The following CARD10 variants were observed in gnomAD, a reference collection of about 807,000 sequenced individuals.
CARD10 encodes caspase recruitment domain-containing protein 10.
Under a neutral mutation model 114.6 loss-of-function variants are expected in CARD10, and 49 were observed. The ratio of observed to expected loss-of-function variants is 0.43; its 90% CI spans 0.34 to 0.54. The LOEUF is 0.54. CARD10 is among the 20% of genes least tolerant of loss of function. The pLI is 0.03. For synonymous variants in CARD10, 602 were observed against 593.2 expected (o/e 1.01, Z -0.21); for missense variants, 1,206 against 1,397.2 (o/e 0.86, Z 2.18).
At chr22:37,497,360 A>C in intron 11 of CARD10, 182 bp from the exon 12 acceptor site, 1 of 644,994 alleles carries the variant, frequency 1.6e-6, no homozygotes, top group East Asian at 2.8e-5. Flanking sequence ...ATCATCCTTC[A>C]AATCTCAAGT....
intron 15 of CARD10, among the ~76,000 whole-genome samples, chr22:37,494,931 A>T (rs1202833743): frequency 1.3e-5 from 2 of 151,514 alleles, no homozygotes; most frequent in African/African-American, 4.9e-5. Context: ...CCATCCAGGC[A>T]TTGGAAAAGG....
At position 37,496,713 on chromosome 22, in the gene CARD10, C is replaced by T. The variant is rs1356114286; in HGVS notation, c.1948-153G>A. The T allele has an allele frequency of 6.0e-6, 4 of 671,802 alleles. No homozygotes were observed. Among genetic ancestry groups the T allele is most frequent in the Middle Eastern group, 3.7e-4 (1 of 2,698 alleles). 41.6% of individuals were successfully genotyped at this position (671,802 alleles called of 1,614,324 possible). On this transcript the variant is annotated intron_variant, in intron 12 of 19. Coordinates refer to ENST00000251973, the MANE Select transcript of CARD10 (RefSeq NM_014550.4). The surrounding 1 kb of genome is among the most constrained non-coding windows in gnomAD (Gnocchi z 4.1). ...CTGCCATGCCCAGCCCAGTCAGACC[C>T]GTCCCCATCCACAGGACGCCCCCAT...
At chr22:37,513,627 C>T (rs1351512940) in intron 3 of CARD10, among the ~76,000 whole-genome samples, 1 of 152,040 alleles carries the variant, frequency 6.6e-6, no homozygotes, top group Non-Finnish European at 1.5e-5. Context: ...CCTCCCAGTA[C>T]CCCCAGCCTG....
Position 37,496,356 on chromosome 22 carries a change from C to T in CARD10, c.2059+93G>A. ...AAGGGCAATTGGGGCAAGGCTGGTC[C>T]CTTCTCAGGTCCTTGGTCCCTCCCC... On this transcript the variant is annotated intron_variant, in intron 13 of 19. Coordinates refer to ENST00000251973, the MANE Select transcript of CARD10 (RefSeq NM_014550.4). The surrounding 1 kb of genome is among the most constrained non-coding windows in gnomAD (Gnocchi z 4.1). 1.1e-6 allele frequency: 1 copy of T among 893,894 alleles called. No homozygotes were observed. The highest frequency in any genetic ancestry group is 1.7e-6 in the Non-Finnish European group (1 of 575,054). 55.4% of individuals were successfully genotyped at this position (893,894 alleles called of 1,614,324 possible).
At chr22:37,494,583 T>C (rs765687070) in intron 15 of CARD10, 20 of 223,990 alleles carry the variant, frequency 8.9e-5, no homozygotes, top group Non-Finnish European at 1.8e-4. Context: ...GAAAAATTAA[T>C]GAAACCAATA....
At chr22:37,502,961 G>A (rs111458784) in intron 10 of CARD10, among the ~76,000 whole-genome samples, 6 of 152,230 alleles carry the variant, frequency 3.9e-5, no homozygotes, top group Non-Finnish European at 8.8e-5. Flanking sequence ...CATCACAGCC[G>A]GGAACAGGAG....
At chr22:37,509,228 T>C in intron 4 of CARD10, 1 of 1,239,414 alleles carries the variant, frequency 8.1e-7, no homozygotes, top group Non-Finnish European at 1.1e-6. Context: ...CCCATGCAGC[T>C]GCTGACCTGC....
intron 9 of CARD10, among the ~76,000 whole-genome samples, 183 bp from the exon 10 acceptor site, chr22:37,503,396 G>T (rs927265185): frequency 2.0e-5 from 3 of 152,166 alleles, no homozygotes; most frequent in African/African-American, 4.8e-5. Context: ...AAACTCCCAG[G>T]GTAAGAAGTT....
At chr22:37,491,942 G>C in intron 18 of CARD10, 75 bp from the exon 19 acceptor site, 1 of 1,001,258 alleles carries the variant, frequency 1.0e-6, no homozygotes, top group Non-Finnish European at 1.6e-6. Context: ...CCCCAGACGG[G>C]TCCCCTATCA....
intron 16 of CARD10, 48 bp downstream of exon 16, chr22:37,494,038 T>G (rs1180356350): frequency 7.4e-7 from 1 of 1,357,664 alleles, no homozygotes; most frequent in Non-Finnish European, 1.0e-6. Context: ...CACACATCCC[T>G]GGACAATGGG....
chr22:37,493,153 G>A (rs1048591932), intron 16 of CARD10, among the ~76,000 whole-genome samples: 1 of 152,186 alleles, frequency 6.6e-6, no homozygotes, highest in African/African-American at 2.4e-5. Context: ...TCCTGCCTGA[G>A]AGCCTGGGGA....
intron 4 of CARD10, chr22:37,509,242 T>C (rs1257935617): frequency 7.2e-6 from 8 of 1,107,034 alleles, no homozygotes; most frequent in Non-Finnish European, 8.6e-6. Context: ...GACCTGCCAC[T>C]GACCTGCCGC....
At position 37,501,192 on chromosome 22, in the gene CARD10, G is replaced by A. The variant is rs1186126036; in HGVS notation, c.1787+1410C>T. Reference sequence around the variant, plus strand: ...ACCACCTCTGCACCTTCCCCAGCCTGTGTTCTTCCCCAGGAACCTCTCTCC... The same window carrying A: ...ACCACCTCTGCACCTTCCCCAGCCTATGTTCTTCCCCAGGAACCTCTCTCC... On this transcript the variant is annotated intron_variant, in intron 11 of 19. Coordinates refer to ENST00000251973, the MANE Select transcript of CARD10 (RefSeq NM_014550.4). This position sits in a 1 kb window ranked among gnomAD's most constrained non-coding sequence, Gnocchi z 5.4. Among the ~76,000 whole-genome samples the A allele has an allele frequency of 6.6e-6, 1 of 152,014 alleles. No homozygotes were observed. The highest frequency in any genetic ancestry group is 1.5e-5 in the Non-Finnish European group (1 of 67,980).
At position 37,502,682 on chromosome 22, in the gene CARD10, G is replaced by A. The variant is rs754054899; in HGVS notation, c.1707C>T (p.Ser569=). 2.5e-6 allele frequency: 4 copies of A among 1,613,788 alleles called. No individual in the cohort carries two copies. In the South Asian group the frequency reaches 3.3e-5, roughly 13 times the overall value. The change falls in exon 11 of 20, where the codon TCC becomes TCT. Residue 569 remains serine (S), a synonymous_variant. Coordinates refer to ENST00000251973, the MANE Select transcript of CARD10 (RefSeq NM_014550.4). The part of the protein sequence containing the change: ...LKPWSPGLSS[S]SSSDSVWPLG... ...AAGGCCACACGCTGTCAGAGGATGA[G>A]GACGAAGAGAGGCCAGGGGACCAGG...
At chr22:37,518,731 G>C (rs1207147560) in intron 1 of CARD10, among the ~76,000 whole-genome samples, 1 of 152,234 alleles carries the variant, frequency 6.6e-6, no homozygotes, top group Non-Finnish European at 1.5e-5. Context: ...CAGGAAGTGG[G>C]AGAGAACCCC....
At chr22:37,495,699 A>T in intron 14 of CARD10, 61 bp downstream of exon 14, 2 of 1,609,676 alleles carry the variant, frequency 1.2e-6, no homozygotes, top group Non-Finnish European at 1.7e-6. Context: ...GAGGGAGAGC[A>T]CCCCCATCTG....
chr22:37,518,059 G>A lies in CARD10; in HGVS notation c.285C>T (p.Ala95=). ...AGTAGAACTCCAGGGCTTCCAGGAA[G>A]GCCTCATAGCCCCTCTTGCCACGGC... ...LRCRGKRGYE[A]FLEALEFYYP... The change falls in exon 2 of 20, where the codon GCC becomes GCT. Residue 95 remains alanine (A), a synonymous_variant. Transcript: ENST00000251973. 6.2e-7 allele frequency: 1 copy of A among 1,614,058 alleles called. No individual in the cohort carries two copies. The highest frequency in any genetic ancestry group is 8.5e-7 in the Non-Finnish European group (1 of 1,179,978).
chr22:37,502,693 G>A lies in CARD10; in HGVS notation c.1696C>T (p.Leu566Phe). The change falls in exon 11 of 20, where the codon CTC becomes TTC. Residue 566 changes from leucine to phenylalanine, a missense_variant. Physicochemically the swap from Leu to Phe is conservative, Grantham distance 22 (BLOSUM62 0). This residue lies in a region of CARD10 where 1,068 missense variants were observed against 1,179.1 expected (regional missense o/e 0.91). Coordinates refer to ENST00000251973, the MANE Select transcript of CARD10 (RefSeq NM_014550.4). The part of the protein sequence containing the change: ...SVTLKPWSPG[L>F]SSSSSSDSVW... ...CTGTCAGAGGATGAGGACGAAGAGA[G>A]GCCAGGGGACCAGGGCTTAAGTGTC... is the stretch of plus-strand genomic sequence containing the variant. 1 of 1,613,758 alleles carries A rather than the reference G, an allele frequency of 6.2e-7. No individual in the cohort carries two copies. Among genetic ancestry groups the A allele is most frequent in the Non-Finnish European group, 8.5e-7 (1 of 1,179,896 alleles).
chr22:37,504,510 G>A (rs1923335170), intron 8 of CARD10, 125 bp downstream of exon 8: 2 of 1,403,028 alleles, frequency 1.4e-6, no homozygotes, highest in Non-Finnish European at 1.9e-6. Flanking sequence ...CTTCAGTAAA[G>A]TACTTGGCCT....
Sources: gnomAD v4.1 joint callset for allele counts (sites outside exome capture counted in the v4.1 genomes callset) on GRCh38, gnomAD v4.1.1 for gene constraint, gnomAD v4.1.1 regional missense constraint, Gnocchi (gnomAD v3.1) non-coding constraint, MANE v1.5 for transcripts, NCBI Gene and HGNC (gene_info 2026-07-23, HGNC 2026-07-21) for gene names.